Variants in RGSL1 observed in about 807,000 individuals in gnomAD.
RGSL1 encodes regulator of G protein signaling protein-like.
In RGSL1, 97 loss-of-function variants were observed where a neutral mutation model predicts 124.7. The ratio of observed to expected loss-of-function variants is 0.78; its 90% CI spans 0.66 to 0.92. The LOEUF is 0.92. Among genes scored for constraint, RGSL1 ranks in the 40% least tolerant of loss-of-function variants. The pLI, the probability that RGSL1 is intolerant of heterozygous loss-of-function variation, is 0.00. For synonymous variants in RGSL1, 424 were observed against 438.1 expected (o/e 0.97, Z 0.40); for missense variants, 1,233 against 1,288.4 (o/e 0.96, Z 0.66).
chr1:182,526,898 A>G (rs1179470528), intron 10 of RGSL1, among the ~76,000 whole-genome samples: 1 of 152,224 alleles, frequency 6.6e-6, no homozygotes, highest in Non-Finnish European at 1.5e-5. Context: ...TTAATGAAAT[A>G]GGTGTATAAA....
chr1:182,527,627 G>C lies in RGSL1; in HGVS notation c.1980G>C (p.Arg660Ser). 1 of 1,551,570 alleles carries C rather than the reference G, an allele frequency of 6.4e-7. No homozygotes were observed. Among genetic ancestry groups the C allele is most frequent in the African/African-American group, 1.4e-5 (1 of 73,082 alleles). The stretch of plus-strand genomic sequence containing the variant: ...ATACACAGCACTTGGAGTTCTTCAG[G>C]GAGTTCCTCAAGGAACGGAAGGCTA... ...LLNTQHLEFFREFLKERKAKI... is the reference protein window; with the variant it reads ...LLNTQHLEFFSEFLKERKAKI... The change falls in exon 11 of 22, where the codon AGG becomes AGC. Residue 660 changes from arginine to serine, a missense_variant. By Grantham distance (110) the Arg-to-Ser change is moderately radical (BLOSUM62 -1). Coordinates refer to ENST00000294854, the MANE Select transcript of RGSL1 (RefSeq NM_001137669.2).
intron 6 of RGSL1, among the ~76,000 whole-genome samples, chr1:182,478,256 C>T (rs1654443907): frequency 6.6e-6 from 1 of 151,958 alleles, no homozygotes; most frequent in African/African-American, 2.4e-5. Flanking sequence ...CCAAAATAAT[C>T]ATCTTAGAGA....
At chr1:182,500,160 T>C (rs1193262936) in intron 9 of RGSL1, among the ~76,000 whole-genome samples, 1 of 152,214 alleles carries the variant, frequency 6.6e-6, no homozygotes, top group African/African-American at 2.4e-5. Flanking sequence ...ACACTTAAGT[T>C]TGTTATTCAT....
In RGSL1 at chr1:182,556,160, C is replaced by A; in HGVS notation, c.*103C>A. On this transcript the variant is annotated 3_prime_UTR_variant, in exon 21 of 22. Coordinates refer to ENST00000294854, the MANE Select transcript of RGSL1 (RefSeq NM_001137669.2). ...TGAAAGGTCCTGGTACCATCTTCCCCAGAAACGATCAAGAAGGGCAATGGG... is the reference window on the plus strand; with the variant it reads ...TGAAAGGTCCTGGTACCATCTTCCCAAGAAACGATCAAGAAGGGCAATGGG... 8.6e-7 allele frequency: 1 copy of A among 1,166,012 alleles called. No individual in the cohort carries two copies. The highest frequency in any genetic ancestry group is 1.5e-5 in the South Asian group (1 of 67,434). The allele number at this position is 1,166,012 out of a possible 1,614,324, so 72.2% of individuals were successfully genotyped here. A position where few individuals can be genotyped will look rare whatever the true frequency, so the allele number is the denominator to read the frequency against.
chr1:182,471,437 C>T lies in RGSL1; in HGVS notation c.302-959C>T, dbSNP rs1445308745. ...GCTTTTGCAAGTTCCTAATGGTTTT[C>T]AGATTGCCCTAAGCCCCAGTTAACA... On this transcript the variant is annotated intron_variant, in intron 4 of 21. Transcript: ENST00000294854. 8.8e-6 allele frequency: 4 copies of T among 452,500 alleles called. No individual in the cohort carries two copies. In the Admixed American group the frequency reaches 9.5e-5, roughly 11 times the overall value. 28.0% of individuals were successfully genotyped at this position (452,500 alleles called of 1,614,324 possible).
chr1:182,477,991 A>T (rs1211075939), intron 6 of RGSL1, among the ~76,000 whole-genome samples: 4 of 152,336 alleles, frequency 2.6e-5, no homozygotes, highest in Non-Finnish European at 5.9e-5. Context: ...AGAAATGGAG[A>T]TCCATAAACT....
intron 15 of RGSL1, among the ~76,000 whole-genome samples, chr1:182,546,456 C>G (rs764555493): frequency 1.3e-5 from 2 of 152,050 alleles, no homozygotes; most frequent in African/African-American, 4.8e-5. Context: ...GAGTGTGGCA[C>G]CATCTTGGCT....
intron 21 of RGSL1, among the ~76,000 whole-genome samples, chr1:182,558,624 C>A (rs1660999058): frequency 6.6e-6 from 1 of 152,146 alleles, no homozygotes; most frequent in Non-Finnish European, 1.5e-5. Context: ...CAGCTGAGAG[C>A]CGTTCCCAGT....
At chr1:182,550,931 G>A in intron 17 of RGSL1, 169 bp from the exon 18 acceptor site, 1 of 607,074 alleles carries the variant, frequency 1.6e-6, no homozygotes, top group Non-Finnish European at 2.9e-6. Flanking sequence ...GGAGGCCTCA[G>A]AACAAAGGCC....
intron 9 of RGSL1, among the ~76,000 whole-genome samples, chr1:182,517,510 G>T (rs554585284): frequency 1.3e-5 from 2 of 151,884 alleles, no homozygotes; most frequent in African/African-American, 4.8e-5. Context: ...CCAGTAATTT[G>T]ATTTTCTCTT....
At position 182,488,977 on chromosome 1, in the gene RGSL1, TAGACAC is replaced by T; in HGVS notation, c.1496_1501del (p.Thr499_Gln500del). ...CCATCTTCCCCTCACCCTCTTCTCT[TAGACAC>T]AGAACAGGTTCATCAGCTCCAGACA... is the stretch of plus-strand genomic sequence containing the variant. On this transcript the variant is annotated splice_acceptor_variant and coding_sequence_variant, in exon 8 of 22. Transcript: ENST00000294854. LOFTEE classifies it high-confidence loss of function. 6.5e-7 allele frequency: 1 copy of T among 1,549,398 alleles called. No individual in the cohort carries two copies. Among genetic ancestry groups the T allele is most frequent in the East Asian group, 2.4e-5 (1 of 40,908 alleles).
At position 182,458,349 on chromosome 1, in the gene RGSL1, G is replaced by C. The variant is rs1652523137; in HGVS notation, c.127G>C (p.Glu43Gln). The change falls in exon 3 of 22, where the codon GAA becomes CAA. Residue 43 changes from glutamate to glutamine, a missense_variant. Coordinates refer to ENST00000294854, the MANE Select transcript of RGSL1 (RefSeq NM_001137669.2). ...TGGTCAGACACCATTTTATACTGTT[G>C]AAAATTCACAGTGGAGCTTGTGGCC... Reference protein sequence around the residue: ...VFGQTPFYTVENSQWSLWPEI... With the variant: ...VFGQTPFYTVQNSQWSLWPEI... 6.4e-7 allele frequency: 1 copy of C among 1,552,012 alleles called. No individual in the cohort carries two copies. The highest frequency in any genetic ancestry group is 1.4e-5 in the African/African-American group (1 of 73,050).
intron 8 of RGSL1, among the ~76,000 whole-genome samples, chr1:182,490,900 G>A (rs1218870942): frequency 1.3e-5 from 2 of 148,778 alleles, no homozygotes; most frequent in Non-Finnish European, 3.0e-5. Flanking sequence ...CAGAGTACCA[G>A]AGCTAGAACA....
intron 4 of RGSL1, among the ~76,000 whole-genome samples, chr1:182,464,593 G>A (rs574939281): frequency 2.6e-5 from 4 of 151,802 alleles, no homozygotes; most frequent in Admixed American, 6.6e-5. Context: ...GCATGTTGGC[G>A]GGATCCTGTA....
At chr1:182,498,561 T>C (rs1212971184) in intron 9 of RGSL1, among the ~76,000 whole-genome samples, 1 of 152,240 alleles carries the variant, frequency 6.6e-6, no homozygotes, top group Non-Finnish European at 1.5e-5. Context: ...ATTTCTTGAT[T>C]TCTGCCTCAA....
At chr1:182,470,261 C>T (rs1407641471) in intron 4 of RGSL1, among the ~76,000 whole-genome samples, 1 of 152,036 alleles carries the variant, frequency 6.6e-6, no homozygotes, top group Non-Finnish European at 1.5e-5. Context: ...TTCTCAACAC[C>T]CCCAATACTA....
chr1:182,514,095 G>A (rs944635560), intron 9 of RGSL1, among the ~76,000 whole-genome samples: 8 of 151,946 alleles, frequency 5.3e-5, no homozygotes, highest in Non-Finnish European at 8.8e-5. Flanking sequence ...GTTTCACCAC[G>A]TTAGCCAGGC....
At chr1:182,555,882 G>A (rs1232096106) in intron 20 of RGSL1, 142 bp from the exon 21 acceptor site, 6 of 684,980 alleles carry the variant, frequency 8.8e-6, no homozygotes, top group Middle Eastern at 3.4e-4. Flanking sequence ...CTAAGAATGT[G>A]AGAAGCCCTA....
intron 6 of RGSL1, among the ~76,000 whole-genome samples, chr1:182,477,337 T>C (rs1044377826): frequency 6.6e-6 from 1 of 152,224 alleles, no homozygotes; most frequent in Admixed American, 6.5e-5. Flanking sequence ...GCAGAAACTA[T>C]GCCTGCTTAA....
Sources: gnomAD v4.1 joint callset for allele counts (sites outside exome capture counted in the v4.1 genomes callset) on GRCh38, gnomAD v4.1.1 for gene constraint, MANE v1.5 for transcripts, NCBI Gene and HGNC (gene_info 2026-07-23, HGNC 2026-07-21) for gene names.